STAT3: variants seen among roughly 807,000 people sequenced by gnomAD.
STAT3 encodes DNA-binding protein APRF.
Under a neutral mutation model 114.3 loss-of-function variants are expected in STAT3, and 7 were observed. That is an observed-to-expected ratio of 0.06 (90% confidence interval 0.03 to 0.11). The LOEUF is 0.11. Among genes scored for constraint, STAT3 ranks in the 10% least tolerant of loss-of-function variants. The pLI is 1.00. For synonymous variants in STAT3, 331 were observed against 354.5 expected (o/e 0.93, Z 0.74); for missense variants, 364 against 960.9 (o/e 0.38, Z 8.21).
At chr17:42,331,748 T>C (rs539634801) in intron 10 of STAT3, among the ~76,000 whole-genome samples, 3 of 151,950 alleles carry the variant, frequency 2.0e-5, no homozygotes, top group Non-Finnish European at 4.4e-5. Flanking sequence ...GGCAACAAAG[T>C]GAGAGCCCAC....
At chr17:42,359,595 A>C (rs1314100302) in intron 1 of STAT3, among the ~76,000 whole-genome samples, 1 of 152,250 alleles carries the variant, frequency 6.6e-6, no homozygotes, top group African/African-American at 2.4e-5. Context: ...GTTAAAGAGC[A>C]GTCGAAATAA....
chr17:42,316,552 T>G, intron 23 of STAT3: 1 of 1,137,324 alleles, frequency 8.8e-7, no homozygotes, highest in Non-Finnish European at 1.2e-6. Flanking sequence ...TGAGAGTATG[T>G]TGGATTTAGT....
At position 42,314,851 on chromosome 17, in the gene STAT3, CTTTTTT is replaced by C; in HGVS notation, c.*888_*893del. On this transcript the variant is annotated 3_prime_UTR_variant, in exon 24 of 24. Coordinates refer to ENST00000264657, the MANE Select transcript of STAT3 (RefSeq NM_139276.3). ...CCAAGGAGGCTGTTAACTGAAGTTT[CTTTTTT>C]TTTTTTTTTTTTTTGAGACAGAGTC... 8 of 140,452 alleles carry C rather than the reference CTTTTTT, an allele frequency of 5.7e-5. No homozygotes were observed. The highest frequency in any genetic ancestry group is 2.3e-4 in the East Asian group (2 of 8,572). The allele number at this position is 140,452 out of a possible 1,614,324, so 8.7% of individuals were successfully genotyped here. A position where few individuals can be genotyped will look rare whatever the true frequency, so the allele number is the denominator to read the frequency against.
chr17:42,375,485 A>C (rs1407906833), intron 1 of STAT3, among the ~76,000 whole-genome samples: 1 of 152,150 alleles, frequency 6.6e-6, no homozygotes, highest in Non-Finnish European at 1.5e-5. Flanking sequence ...ACCTTTCTCA[A>C]ACTCTTCGCT....
chr17:42,348,009 A>G (rs2082773734), intron 2 of STAT3, among the ~76,000 whole-genome samples: 1 of 152,218 alleles, frequency 6.6e-6, no homozygotes, highest in South Asian at 2.1e-4. Flanking sequence ...TCCTTTAACT[A>G]AAGGGGAATT....
At chr17:42,349,050 C>T (rs1021271932) in intron 1 of STAT3, among the ~76,000 whole-genome samples, 22 of 151,706 alleles carry the variant, frequency 1.5e-4, no homozygotes, top group Non-Finnish European at 3.2e-4. Context: ...AAAAATGTTT[C>T]GTGAGACAAA....
chr17:42,387,976 C>G (rs2145434525), intron 1 of STAT3: 2 of 308,888 alleles, frequency 6.5e-6, no homozygotes, highest in East Asian at 1.0e-4. Flanking sequence ...AGCAGGAAAT[C>G]GGGGGACTGT....
At chr17:42,322,982 G>A (rs757302547) in intron 20 of STAT3, 22 bp downstream of exon 20, 2 of 1,612,940 alleles carry the variant, frequency 1.2e-6, no homozygotes, top group Admixed American at 3.3e-5. Flanking sequence ...CAGCAGGTGG[G>A]GTGGGTGGGA....
At chr17:42,345,934 C>T (rs983483557) in intron 3 of STAT3, among the ~76,000 whole-genome samples, 4 of 145,838 alleles carry the variant, frequency 2.7e-5, no homozygotes, top group Non-Finnish European at 4.5e-5. Flanking sequence ...AGTGCAGTGG[C>T]GCAATCACGG....
intron 5 of STAT3, 65 bp from the exon 6 acceptor site, chr17:42,338,877 A>G (rs1277781145): frequency 7.2e-5 from 103 of 1,435,514 alleles, no homozygotes; most frequent in Non-Finnish European, 9.7e-5. Flanking sequence ...CAGAAAATAT[A>G]AAGTTTCTGA....
intron 1 of STAT3, among the ~76,000 whole-genome samples, chr17:42,366,252 C>G (rs995437234): frequency 6.6e-6 from 1 of 152,170 alleles, no homozygotes; most frequent in African/African-American, 2.4e-5. Flanking sequence ...CAACTCCATT[C>G]CTGCACATGT....
intron 1 of STAT3, among the ~76,000 whole-genome samples, chr17:42,354,213 G>C (rs1399718471): frequency 1.5e-5 from 2 of 131,308 alleles, no homozygotes; most frequent in South Asian, 2.4e-4. Context: ...ACTGTCACCC[G>C]GGCTGGTGTG....
rs528219097 is a variant in STAT3, at chr17:42,388,395, G to C, written c.-140C>G. On this transcript the variant is annotated 5_prime_UTR_variant, in exon 1 of 24. Transcript: ENST00000264657. ...CGAGGGGGAGAGACAGCGCCAAGCCGGGGTGCCTGTCCAGGATCCGGTTGG... is the reference window on the plus strand; with the variant it reads ...CGAGGGGGAGAGACAGCGCCAAGCCCGGGTGCCTGTCCAGGATCCGGTTGG... The C allele has an allele frequency of 1.6e-6, 2 of 1,231,548 alleles. No homozygotes were observed. The highest frequency in any genetic ancestry group is 1.6e-5 in the African/African-American group (1 of 64,406). The allele number at this position is 1,231,548 out of a possible 1,614,324, so 76.3% of individuals were successfully genotyped here. A position where few individuals can be genotyped will look rare whatever the true frequency, so the allele number is the denominator to read the frequency against.
At chr17:42,327,750 CA>C (rs2081793583) in intron 14 of STAT3, among the ~76,000 whole-genome samples, 1 of 152,130 alleles carries the variant, frequency 6.6e-6, no homozygotes, top group African/African-American at 2.4e-5. Flanking sequence ...AATGAATTCT[CA>C]AAAATTGAAT....
chr17:42,373,462 G>A (rs1008354987), intron 1 of STAT3, among the ~76,000 whole-genome samples: 1 of 152,112 alleles, frequency 6.6e-6, no homozygotes, highest in Admixed American at 6.6e-5. Flanking sequence ...TGAGGCAGGA[G>A]AATCACTTGA....
chr17:42,316,596 C>A (rs754193509), intron 23 of STAT3, 193 bp downstream of exon 23: 7 of 1,407,760 alleles, frequency 5.0e-6, no homozygotes, highest in East Asian at 2.5e-5. Context: ...AAATTAAGTT[C>A]GTCTATTTCC....
At chr17:42,381,452 G>A (rs972681308) in intron 1 of STAT3, among the ~76,000 whole-genome samples, 11 of 152,190 alleles carry the variant, frequency 7.2e-5, no homozygotes, top group East Asian at 3.9e-4. Flanking sequence ...AAGGCCAGGC[G>A]TGCTGGCTCA....
At chr17:42,329,332 G>A (rs532295347) in intron 14 of STAT3, 78 bp downstream of exon 14, 2 of 1,584,068 alleles carry the variant, frequency 1.3e-6, no homozygotes, top group South Asian at 1.1e-5. Context: ...TTCTAATTCT[G>A]GGGATTAAGA....
intron 4 of STAT3, among the ~76,000 whole-genome samples, chr17:42,340,350 C>T (rs1236570064): frequency 2.0e-4 from 24 of 119,912 alleles, no homozygotes; most frequent in African/African-American, 2.9e-4. Flanking sequence ...AGTGAAACTC[C>T]ATCTCAAAAA....
Sources: allele counts gnomAD v4.1 joint callset (sites outside exome capture counted in the v4.1 genomes callset), GRCh38; gene constraint gnomAD v4.1.1; transcripts MANE v1.5; gene names NCBI Gene and HGNC (gene_info 2026-07-23, HGNC 2026-07-21).